The following CSMD3 variants were observed in gnomAD, a reference collection of about 807,000 sequenced individuals.
CSMD3 encodes the protein CUB and Sushi multiple domains 3.
A neutral mutation model predicts 435.2 loss-of-function variants in CSMD3; 177 were observed. That is an observed-to-expected ratio of 0.41 (90% CI 0.36 to 0.46). The LOEUF is 0.46. Ranked by LOEUF, CSMD3 falls within the 20% of genes least tolerant of loss-of-function variation. The pLI is 0.34. For missense variants in CSMD3, 4,265 were observed against 4,504.6 expected, an observed-to-expected ratio of 0.95 and a Z score of 1.52; for synonymous variants, 1,656 against 1,520.5, an observed-to-expected ratio of 1.09 and a Z score of -2.07.
In CSMD3 at chr8:113,217,413, A is replaced by T. The variant is rs531446858; in HGVS notation, c.515-43497T>A. On this transcript the variant is annotated intron_variant, in intron 3 of 70. Transcript: ENST00000297405. ...AAGAAATGACACAAGTATTGGAATT[A>T]ATAGATAAGAATTTTAAAAGCCTAG... Among the ~76,000 whole-genome samples, 34 of 151,668 alleles carry T rather than the reference A, an allele frequency of 2.2e-4. 1 individual carries two copies. In the South Asian group the frequency reaches 6.9e-3, roughly 31 times the overall value.
chr8:112,833,579 A>G (rs1470105183), intron 11 of CSMD3, among the ~76,000 whole-genome samples: 1 of 152,000 alleles, frequency 6.6e-6, no homozygotes, highest in Admixed American at 6.6e-5. Context: ...TGTAATTTTA[A>G]AATCTTAACT....
chr8:113,215,150 A>C (rs2132099237), intron 3 of CSMD3, among the ~76,000 whole-genome samples: 1 of 151,976 alleles, frequency 6.6e-6, no homozygotes, highest in South Asian at 2.1e-4. Context: ...ATCTTTACTT[A>C]CTGATATATT....
chr8:112,963,928 AT>A (rs1310622069), intron 7 of CSMD3, among the ~76,000 whole-genome samples: 1 of 151,874 alleles, frequency 6.6e-6, no homozygotes, highest in Non-Finnish European at 1.5e-5. Flanking sequence ...AACTGTGCTA[AT>A]TTTTTTAAAT....
chr8:112,854,510 T>C (rs1447153107), intron 11 of CSMD3, among the ~76,000 whole-genome samples: 1 of 152,132 alleles, frequency 6.6e-6, no homozygotes, highest in Non-Finnish European at 1.5e-5. Context: ...GCTCACATCA[T>C]GGTCAGAGAA....
intron 13 of CSMD3, among the ~76,000 whole-genome samples, chr8:112,785,459 G>T (rs2078514149): frequency 6.6e-6 from 1 of 152,014 alleles, no homozygotes; most frequent in Non-Finnish European, 1.5e-5. Flanking sequence ...TGGAAAGAAA[G>T]AAGTCACATT....
intron 4 of CSMD3, among the ~76,000 whole-genome samples, chr8:113,129,825 T>C (rs574088288): frequency 1.3e-5 from 2 of 152,194 alleles, no homozygotes; most frequent in African/African-American, 4.8e-5. Context: ...TCTGACCACA[T>C]AATGAAACCT....
chr8:112,496,623 A>T (rs1821372965), intron 30 of CSMD3, among the ~76,000 whole-genome samples: 1 of 152,238 alleles, frequency 6.6e-6, no homozygotes, highest in African/African-American at 2.4e-5. Context: ...CTATTCAGCC[A>T]TAAAAAAGAA....
intron 20 of CSMD3, among the ~76,000 whole-genome samples, chr8:112,642,816 C>T (rs1232737827): frequency 6.6e-6 from 1 of 152,128 alleles, no homozygotes; most frequent in Non-Finnish European, 1.5e-5. Context: ...TAGATTACTA[C>T]AAACTTCTTA....
chr8:112,758,626 C>A (rs944414487), intron 13 of CSMD3, among the ~76,000 whole-genome samples: 4 of 151,998 alleles, frequency 2.6e-5, no homozygotes, highest in Non-Finnish European at 5.9e-5. Flanking sequence ...TGTGGTTACA[C>A]CATTTGAATT....
At chr8:113,132,473 G>T (rs1435520941) in intron 4 of CSMD3, among the ~76,000 whole-genome samples, 1 of 124,532 alleles carries the variant, frequency 8.0e-6, no homozygotes, top group Non-Finnish European at 1.9e-5. Flanking sequence ...TGATTTAAAA[G>T]TGTGTGGCAC....
At chr8:112,375,101 T>C (rs558658484) in intron 38 of CSMD3, among the ~76,000 whole-genome samples, 19 of 152,300 alleles carry the variant, frequency 1.2e-4, no homozygotes, top group African/African-American at 4.1e-4. Context: ...TTACCAATAG[T>C]AAATTCTTTC....
At chr8:112,717,698 G>A (rs916007566) in intron 13 of CSMD3, among the ~76,000 whole-genome samples, 1 of 152,144 alleles carries the variant, frequency 6.6e-6, no homozygotes, top group Non-Finnish European at 1.5e-5. Context: ...TAAAGAAAAT[G>A]TAGTACATAT....
chr8:112,560,129 A>G (rs1828487910), intron 24 of CSMD3, among the ~76,000 whole-genome samples: 1 of 151,772 alleles, frequency 6.6e-6, no homozygotes, highest in African/African-American at 2.4e-5. Flanking sequence ...GTCACAACAT[A>G]CATAAAGTCA....
At chr8:113,157,532 ATAAT>A (rs2091957657) in intron 4 of CSMD3, among the ~76,000 whole-genome samples, 1 of 152,150 alleles carries the variant, frequency 6.6e-6, no homozygotes, top group Non-Finnish European at 1.5e-5. Context: ...GCTTGCCAAA[ATAAT>A]TAACTTTGAA....
chr8:112,317,367 C>G (rs1822572740), intron 47 of CSMD3, among the ~76,000 whole-genome samples: 1 of 151,964 alleles, frequency 6.6e-6, no homozygotes. Flanking sequence ...AGCTTGCTCT[C>G]CAAGAGCTCA....
intron 5 of CSMD3, among the ~76,000 whole-genome samples, chr8:113,086,570 G>T (rs1214975782): frequency 1.3e-5 from 2 of 151,962 alleles, no homozygotes; most frequent in Non-Finnish European, 2.9e-5. Flanking sequence ...AATTTATTTT[G>T]TTAAATATTA....
chr8:113,419,127 T>G lies in CSMD3; in HGVS notation c.178+17550A>C, dbSNP rs1306091773. On this transcript the variant is annotated intron_variant, in intron 1 of 70. Transcript: ENST00000297405. The stretch of plus-strand genomic sequence containing the variant: ...TATACACTTGTTTTTTTTGGTTTGT[T>G]TTTTTTTTTTTTTGACAGGGTCTCA... Among the ~76,000 whole-genome samples the G allele has an allele frequency of 3.0e-4, 26 of 87,264 alleles. No individual in the cohort carries two copies. The Admixed American group carries it at 5.4e-3, about 18-fold the overall frequency. The allele number at this position is 87,264 out of a possible 152,430, so 57.2% of individuals were successfully genotyped here. A position where few individuals can be genotyped will look rare whatever the true frequency, so the allele number is the denominator to read the frequency against.
At position 112,820,704 on chromosome 8, in the gene CSMD3, G is replaced by A. The variant is rs564950907; in HGVS notation, c.1859+8982C>T. ...AGTGCAGAACTTGTAGGTTTGCTAC[G>A]TAGGTATACACGTGCCATGGTGGTT... On this transcript the variant is annotated intron_variant, in intron 12 of 70. Transcript: ENST00000297405. Among the ~76,000 whole-genome samples, 12 of 149,960 alleles carry A rather than the reference G, an allele frequency of 8.0e-5. No individual in the cohort carries two copies. In the East Asian group the frequency reaches 1.4e-3, roughly 17 times the overall value.
At chr8:112,454,024 GCTGGGA>G (rs1246744079) in intron 32 of CSMD3, among the ~76,000 whole-genome samples, 1 of 152,166 alleles carries the variant, frequency 6.6e-6, no homozygotes, top group Non-Finnish European at 1.5e-5. Flanking sequence ...AATAATTGGT[GCTGGGA>G]TAAGTGGCTA....
Sources: allele counts gnomAD v4.1 joint callset (sites outside exome capture counted in the v4.1 genomes callset), GRCh38; gene constraint gnomAD v4.1.1; transcripts MANE v1.5; gene names NCBI Gene and HGNC (gene_info 2026-07-23, HGNC 2026-07-21).